Variants in SYT6 observed in about 807,000 individuals in gnomAD.
SYT6 encodes synaptotagmin 6.
SYT6 carries 24 observed loss-of-function variants against 38.4 expected under a neutral mutation model. The observed-to-expected ratio is 0.62, with a 90% CI of 0.45 to 0.88. The LOEUF is 0.88. Ranked by LOEUF, SYT6 falls within the 40% of genes least tolerant of loss-of-function variation. The probability of loss-of-function intolerance (pLI) is 0.00; values close to 1 mark genes in which losing one functional copy is unlikely to be tolerated. For missense variants in SYT6, 611 were observed against 621.0 expected (o/e 0.98, Z 0.17); for synonymous variants, 265 against 241.9 (o/e 1.10, Z -0.89).
intron 3 of SYT6, among the ~76,000 whole-genome samples, chr1:114,118,209 C>T (rs1301788296): frequency 6.6e-6 from 1 of 152,240 alleles, no homozygotes; most frequent in Non-Finnish European, 1.5e-5. Flanking sequence ...TCCCCCTGCT[C>T]ACCCAGGAGC....
chr1:114,130,237 C>T (rs1337734551), intron 3 of SYT6, among the ~76,000 whole-genome samples: 1 of 150,466 alleles, frequency 6.6e-6, no homozygotes, highest in Admixed American at 6.6e-5. Flanking sequence ...TTATGACTCT[C>T]AGACATACTA....
chr1:114,148,488 G>A (rs1275512022), intron 1 of SYT6, among the ~76,000 whole-genome samples: 1 of 152,314 alleles, frequency 6.6e-6, no homozygotes. Context: ...TCAGGCTGGG[G>A]AGAGCAGGAG....
At chr1:114,098,748 T>C (rs1306480018) in intron 5 of SYT6, among the ~76,000 whole-genome samples, 2 of 152,112 alleles carry the variant, frequency 1.3e-5, no homozygotes, top group Non-Finnish European at 2.9e-5. Flanking sequence ...GTGACAGTAG[T>C]AGCAACAGCA....
At chr1:114,142,834 G>A (rs1274610936) in intron 1 of SYT6, among the ~76,000 whole-genome samples, 2 of 152,044 alleles carry the variant, frequency 1.3e-5, no homozygotes, top group African/African-American at 4.8e-5. Flanking sequence ...TAGCAATTTA[G>A]CATTTTTTAG....
chr1:114,147,807 T>C (rs775937797), intron 1 of SYT6, among the ~76,000 whole-genome samples: 2 of 152,260 alleles, frequency 1.3e-5, no homozygotes, highest in African/African-American at 4.8e-5. Flanking sequence ...GAATATTAAA[T>C]AAGCTAAGAC....
At chr1:114,096,031 A>G (rs1347776518) in intron 6 of SYT6, among the ~76,000 whole-genome samples, 2 of 151,582 alleles carry the variant, frequency 1.3e-5, no homozygotes, top group Non-Finnish European at 2.9e-5. Context: ...CCTCCCCCTA[A>G]GCCACCCTAA....
In SYT6 at chr1:114,139,920, G is replaced by A. The variant is rs200207702; in HGVS notation, c.207C>T (p.Gly69=). 8 of 1,526,088 alleles carry A rather than the reference G, an allele frequency of 5.2e-6. No homozygotes were observed. The highest frequency in any genetic ancestry group is 7.0e-6 in the Non-Finnish European group (8 of 1,140,446). The allele number at this position is 1,526,088 out of a possible 1,614,324, so 94.5% of individuals were successfully genotyped here. The change falls in exon 2 of 8, where the codon GGC becomes GGT. Residue 69 remains glycine (G), a synonymous_variant. Transcript: ENST00000610222. ...AGAGAAAAACTGCCACCAGGGCCAC[G>A]CCACACACAATAACTACAACTGCGA... The part of the protein sequence containing the change: ...SLLAVVVIVC[G]VALVAVFLFL...
intron 3 of SYT6, among the ~76,000 whole-genome samples, chr1:114,129,554 TTTTTCTTTC>T (rs1278133619): frequency 4.5e-4 from 64 of 141,968 alleles, no homozygotes; most frequent in Non-Finnish European, 5.0e-4. Flanking sequence ...TTTCTGTCTT[TTTTTCTTTC>T]TTTTCTTTCT....
intron 1 of SYT6, among the ~76,000 whole-genome samples, chr1:114,145,952 C>G (rs1280868720): frequency 6.6e-6 from 1 of 152,108 alleles, no homozygotes; most frequent in Non-Finnish European, 1.5e-5. Context: ...GATTGCCTCT[C>G]CATGTGACCC....
chr1:114,108,063 T>G (rs540101446), intron 3 of SYT6, among the ~76,000 whole-genome samples: 2 of 151,944 alleles, frequency 1.3e-5, no homozygotes, highest in Non-Finnish European at 2.9e-5. Context: ...CTGAGCTCAG[T>G]AGCAGCTGGC....
chr1:114,150,521 C>T (rs1388189844), intron 1 of SYT6, among the ~76,000 whole-genome samples: 1 of 152,200 alleles, frequency 6.6e-6, no homozygotes, highest in African/African-American at 2.4e-5. Flanking sequence ...TAACCACTCC[C>T]GGCTGCCAGC....
chr1:114,119,036 A>G (rs1414737776), intron 3 of SYT6, among the ~76,000 whole-genome samples: 1 of 152,200 alleles, frequency 6.6e-6, no homozygotes, highest in East Asian at 1.9e-4. Flanking sequence ...TCCTAGAGAT[A>G]AAGGTGGGAA....
At position 114,097,792 on chromosome 1, in the gene SYT6, C is replaced by T; in HGVS notation, c.1450G>A (p.Ala484Thr). ...TGTGCGATGGGCTTCCGGGGGTATGCCAGCATCTCGTTCCAGTGGTCCCTG... is the reference window on the plus strand; with the variant it reads ...TGTGCGATGGGCTTCCGGGGGTATGTCAGCATCTCGTTCCAGTGGTCCCTG... ...LGRDHWNEML[A>T]YPRKPIAHWH... is the part of the protein sequence containing the mutation. The change falls in exon 6 of 8, where the codon GCA becomes ACA. Residue 484 changes from alanine (A) to threonine (T), a missense_variant. Ala to Thr is a moderately conservative substitution (Grantham distance 58, BLOSUM62 0). Transcript: ENST00000610222. 1 of 1,614,152 alleles carries T rather than the reference C, an allele frequency of 6.2e-7. No homozygotes were observed. The highest frequency in any genetic ancestry group is 8.5e-7 in the Non-Finnish European group (1 of 1,180,020).
chr1:114,103,232 T>A (rs931236665), intron 4 of SYT6, among the ~76,000 whole-genome samples: 2 of 152,254 alleles, frequency 1.3e-5, no homozygotes, highest in Admixed American at 6.5e-5. Context: ...AAACTTATCC[T>A]TAATTTTTAA....
chr1:114,133,430 T>A (rs1179687271), intron 3 of SYT6, among the ~76,000 whole-genome samples: 1 of 152,184 alleles, frequency 6.6e-6, no homozygotes, highest in Non-Finnish European at 1.5e-5. Flanking sequence ...GCAGCTCTAT[T>A]ATAATGATAA....
At position 114,128,406 on chromosome 1, in the gene SYT6, G is replaced by C. The variant is rs559922746; in HGVS notation, c.1071+9089C>G. Among the ~76,000 whole-genome samples the C allele has an allele frequency of 3.3e-5, 5 of 152,300 alleles. No individual in the cohort carries two copies. The East Asian group carries it at 7.7e-4, about 23-fold the overall frequency. Reference sequence around the variant, plus strand: ...TCAGGGCTGCTCACTCTACCTCCCTGTCCCAGCCCCAACTTTTCCCTAAGC... The same window carrying C: ...TCAGGGCTGCTCACTCTACCTCCCTCTCCCAGCCCCAACTTTTCCCTAAGC... On this transcript the variant is annotated intron_variant, in intron 3 of 7. Coordinates refer to ENST00000610222, the MANE Select transcript of SYT6 (RefSeq NM_001253772.2).
chr1:114,102,770 G>A (rs769957399), intron 4 of SYT6, among the ~76,000 whole-genome samples: 2 of 152,018 alleles, frequency 1.3e-5, no homozygotes, highest in Non-Finnish European at 1.5e-5. Flanking sequence ...TTGCAATTCT[G>A]AGTGCAGCCC....
At chr1:114,099,316 C>A in intron 4 of SYT6, 51 bp from the exon 5 acceptor site, 1 of 1,541,922 alleles carries the variant, frequency 6.5e-7, no homozygotes, top group South Asian at 1.3e-5. Flanking sequence ...AAACAGATGT[C>A]TGCAAACATC....
chr1:114,125,084 C>T (rs534501375), intron 3 of SYT6, among the ~76,000 whole-genome samples: 1 of 152,358 alleles, frequency 6.6e-6, no homozygotes, highest in African/African-American at 2.4e-5. Context: ...GATCTCACCT[C>T]TGTTCCCTCC....
Sources: gnomAD v4.1 joint callset for allele counts (sites outside exome capture counted in the v4.1 genomes callset) on GRCh38, gnomAD v4.1.1 for gene constraint, MANE v1.5 for transcripts, NCBI Gene and HGNC (gene_info 2026-07-23, HGNC 2026-07-21) for gene names.